Variants in NAA38 observed in about 807,000 individuals in gnomAD.
The protein encoded by NAA38 is LSM domain containing 1.
Under a neutral mutation model 12.6 loss-of-function variants are expected in NAA38, and 15 were observed. The ratio of observed to expected loss-of-function variants is 1.19; its 90% CI spans 0.79 to 1.83. The LOEUF (loss-of-function observed/expected upper bound fraction) is 1.83. Ranked by LOEUF, NAA38 falls within the 40% of genes most tolerant of loss-of-function variation. The pLI, the probability that NAA38 is intolerant of heterozygous loss-of-function variation, is 0.00. For missense variants in NAA38, 183 were observed against 171.7 expected, an observed-to-expected ratio of 1.07 and a Z score of -0.37; for synonymous variants, 88 against 69.9, an observed-to-expected ratio of 1.26 and a Z score of -1.29.
intron 2 of NAA38, among the ~76,000 whole-genome samples, chr17:7,877,242 C>T (rs1391146790): frequency 1.3e-5 from 2 of 151,998 alleles, no homozygotes; most frequent in African/African-American, 2.4e-5. Flanking sequence ...ACTATTTTTT[C>T]CTGAAAGTAA....
chr17:7,859,839 C>G (rs2078869774), upstream of NAA38: 2 of 539,386 alleles, frequency 3.7e-6, no homozygotes, highest in African/African-American at 1.9e-5. Context: ...ACAAGAAGAT[C>G]AAGTACCTTG....
upstream of NAA38, chr17:7,857,962 C>A: frequency 1.4e-6 from 2 of 1,466,768 alleles, no homozygotes; most frequent in Non-Finnish European, 1.8e-6. Context: ...CCAAACCCCG[C>A]CCCTGATATT....
At chr17:7,857,798 TA>T, upstream of NAA38, 1 of 1,317,846 alleles carries the variant, frequency 7.6e-7, no homozygotes, top group Non-Finnish European at 9.7e-7. Flanking sequence ...TAGTCTGTCC[TA>T]AATATCCCAT....
intron 2 of NAA38, among the ~76,000 whole-genome samples, chr17:7,871,805 C>T (rs1967090889): frequency 6.6e-6 from 1 of 152,168 alleles, no homozygotes; most frequent in South Asian, 2.1e-4. Context: ...CAAGCACGCA[C>T]CATGATGCCT....
At chr17:7,878,142 TATGA>T (rs556307461) in intron 2 of NAA38, among the ~76,000 whole-genome samples, 23 of 152,298 alleles carry the variant, frequency 1.5e-4, no homozygotes, top group Middle Eastern at 3.4e-3. Flanking sequence ...ATTAAAGACT[TATGA>T]ATATTATTTC....
At chr17:7,885,379 C>A, upstream of NAA38, 1 of 149,122 alleles carries the variant, frequency 6.7e-6, no homozygotes, top group Non-Finnish European at 1.5e-5. Flanking sequence ...GCGAGCTGCG[C>A]GCGCGGACCG....
intron 3 of NAA38, chr17:7,863,594 C>G (rs1966910587): frequency 6.6e-6 from 1 of 152,138 alleles, no homozygotes; most frequent in Non-Finnish European, 1.5e-5. Flanking sequence ...AGTTTCTACC[C>G]TTACAGCAAG....
chr17:7,859,937 G>A (rs1597874495), upstream of NAA38: 10 of 264,112 alleles, frequency 3.8e-5, no homozygotes, highest in East Asian at 7.9e-4. Context: ...GGTGAGGGAT[G>A]GAAGGACTTT....
upstream of NAA38, chr17:7,863,045 A>G (rs950400424): frequency 1.3e-5 from 2 of 152,168 alleles, no homozygotes; most frequent in African/African-American, 4.8e-5. Context: ...GCAGTTAGGA[A>G]TTCATGGGCT....
At chr17:7,866,414 GGGA>G in intron 3 of NAA38, 1 of 1,178,888 alleles carries the variant, frequency 8.5e-7, no homozygotes, top group East Asian at 3.2e-5. Context: ...GGCCGCCACG[GGGA>G]ACTTTTAAAG....
upstream of NAA38, chr17:7,885,307 C>CGCGCCGCCG: frequency 6.4e-6 from 1 of 157,276 alleles, no homozygotes; most frequent in East Asian, 2.4e-4. Context: ...GCACCCCTCC[C>CGCGCCGCCG]CCGCCGCCGC....
At chr17:7,866,253 ATTTTTTT>A (rs56289148) in intron 3 of NAA38, among the ~76,000 whole-genome samples, 26 of 90,568 alleles carry the variant, frequency 2.9e-4, no homozygotes, top group African/African-American at 6.4e-4. Context: ...AGCCCGGCTA[ATTTTTTT>A]TTTTTTTTTT....
At chr17:7,857,970 AT>A, upstream of NAA38, 1 of 1,477,708 alleles carries the variant, frequency 6.8e-7, no homozygotes, top group Non-Finnish European at 8.9e-7. Context: ...CGCCCCTGAT[AT>A]TTATCTCAGT....
intron 3 of NAA38, among the ~76,000 whole-genome samples, chr17:7,866,242 A>T (rs1214114056): frequency 1.4e-5 from 2 of 143,138 alleles, no homozygotes; most frequent in South Asian, 2.3e-4. Flanking sequence ...GCCCGCCACC[A>T]AGCCCGGCTA....
At chr17:7,859,271 C>A, upstream of NAA38, 1 of 802,112 alleles carries the variant, frequency 1.2e-6, no homozygotes. Context: ...TTTCCCGGGG[C>A]CGTAGAGTAC....
chr17:7,876,598 T>G (rs958997461), intron 2 of NAA38, among the ~76,000 whole-genome samples: 1 of 152,192 alleles, frequency 6.6e-6, no homozygotes, highest in Admixed American at 6.5e-5. Context: ...ATGAAAGTTA[T>G]TTACTTGCTT....
chr17:7,858,263 C>A (rs1242677604), upstream of NAA38: 3 of 1,613,880 alleles, frequency 1.9e-6, no homozygotes, highest in South Asian at 1.1e-5. Flanking sequence ...GACGCGTGTA[C>A]GACCTAACGT....
At chr17:7,884,730 AG>A in intron 1 of NAA38, 1 of 197,078 alleles carries the variant, frequency 5.1e-6, no homozygotes, top group Non-Finnish European at 8.7e-6. Context: ...GAGGAGGAGG[AG>A]GAGGTGGTGG....
At chr17:7,864,894 C>CA (rs534071775) in intron 3 of NAA38, 3,635 of 91,920 alleles carry the variant, frequency 0.04, 151 homozygotes, top group East Asian at 0.26. Flanking sequence ...GACTCCATCT[C>CA]AAAAAAAAAA....
Sources: gnomAD v4.1 joint callset for allele counts (sites outside exome capture counted in the v4.1 genomes callset) on GRCh38, gnomAD v4.1.1 for gene constraint, MANE v1.5 for transcripts, NCBI Gene and HGNC (gene_info 2026-07-23, HGNC 2026-07-21) for gene names.